BAG4: variants seen among roughly 807,000 people sequenced by gnomAD.
BAG4 encodes BAG cochaperone 4.
Under a neutral mutation model 52.1 loss-of-function variants are expected in BAG4, and 28 were observed. The ratio of observed to expected loss-of-function variants is 0.54; its 90% confidence interval spans 0.40 to 0.74. The LOEUF is 0.74. Among genes scored for constraint, BAG4 ranks in the 30% least tolerant of loss-of-function variants. The probability of loss-of-function intolerance (pLI) is 0.00; values close to 1 mark genes in which losing one functional copy is unlikely to be tolerated. For synonymous variants in BAG4, 208 were observed against 217.0 expected (o/e 0.96, Z 0.37); for missense variants, 525 against 572.0 (o/e 0.92, Z 0.84).
chr8:38,193,461 C>A (rs1401268768), intron 2 of BAG4, among the ~76,000 whole-genome samples: 2 of 152,094 alleles, frequency 1.3e-5, no homozygotes, highest in African/African-American at 4.8e-5. Flanking sequence ...ATCTAGCATG[C>A]AGATTTGTCA....
chr8:38,192,510 C>T (rs1274601581), intron 1 of BAG4, among the ~76,000 whole-genome samples, 178 bp from the exon 2 acceptor site: 17 of 151,890 alleles, frequency 1.1e-4, no homozygotes, highest in Admixed American at 9.9e-4. Context: ...TGAGCTCAAG[C>T]GATCCACCCA....
chr8:38,184,054 A>G (rs1199289203), intron 1 of BAG4, among the ~76,000 whole-genome samples: 1 of 152,196 alleles, frequency 6.6e-6, no homozygotes, highest in Non-Finnish European at 1.5e-5. Flanking sequence ...AGGTTATTGG[A>G]GTTATGAAAA....
chr8:38,181,566 G>A (rs934252050), intron 1 of BAG4, among the ~76,000 whole-genome samples: 1 of 151,396 alleles, frequency 6.6e-6, no homozygotes, highest in Non-Finnish European at 1.5e-5. Flanking sequence ...GTGAAACCCC[G>A]TCTCTACTAA....
At chr8:38,190,004 C>T (rs1320561553) in intron 1 of BAG4, among the ~76,000 whole-genome samples, 1 of 152,160 alleles carries the variant, frequency 6.6e-6, no homozygotes, top group African/African-American at 2.4e-5. Flanking sequence ...CTAGGATGGT[C>T]TCTATCTCCT....
At chr8:38,178,348 T>C (rs1054997733) in intron 1 of BAG4, among the ~76,000 whole-genome samples, 6 of 152,154 alleles carry the variant, frequency 3.9e-5, no homozygotes, top group Non-Finnish European at 8.8e-5. Flanking sequence ...ACAGACGGGG[T>C]TTCGCCATGT....
rs534078625 is a variant in BAG4 at position 38,210,050 on chromosome 8, C to A, written c.931C>A (p.Arg311=). The change falls in exon 5 of 5, where the codon CGG becomes AGG. Residue 311 remains arginine, a synonymous_variant. Transcript: ENST00000287322. ...TAGCCAATCAGATCAAAGCATGAAC[C>A]GGCACAACTTTCCTTGCAGTGTCCA... ...PYSQSDQSMN[R]HNFPCSVHQY... 1.2e-6 allele frequency: 2 copies of A among 1,614,120 alleles called. No individual in the cohort carries two copies.
intron 1 of BAG4, among the ~76,000 whole-genome samples, chr8:38,190,144 G>A (rs575308588): frequency 1.3e-5 from 2 of 152,172 alleles, no homozygotes; most frequent in African/African-American, 4.8e-5. Flanking sequence ...CTATCCCCCA[G>A]TTCTTCCTCA....
chr8:38,198,709 G>A (rs763788104), intron 2 of BAG4, among the ~76,000 whole-genome samples: 5 of 151,836 alleles, frequency 3.3e-5, no homozygotes, highest in Admixed American at 1.3e-4. Flanking sequence ...GGATGGTCTC[G>A]ATCTCCCAAC....
At chr8:38,189,233 C>T (rs1267817438) in intron 1 of BAG4, among the ~76,000 whole-genome samples, 1 of 152,108 alleles carries the variant, frequency 6.6e-6, no homozygotes, top group African/African-American at 2.4e-5. Context: ...ACGTAAGCCA[C>T]CATGCCAGGC....
chr8:38,178,568 T>C (rs981380588), intron 1 of BAG4, among the ~76,000 whole-genome samples: 1 of 152,242 alleles, frequency 6.6e-6, no homozygotes, highest in Non-Finnish European at 1.5e-5. Flanking sequence ...GACTGATGCA[T>C]CGATAAACAA....
intron 1 of BAG4, among the ~76,000 whole-genome samples, chr8:38,186,493 G>A: frequency 6.6e-6 from 1 of 152,194 alleles, no homozygotes; most frequent in Non-Finnish European, 1.5e-5. Context: ...AACTGCGGAG[G>A]TTGTTGTGCA....
At chr8:38,193,384 A>G (rs980629513) in intron 2 of BAG4, among the ~76,000 whole-genome samples, 1 of 151,630 alleles carries the variant, frequency 6.6e-6, no homozygotes, top group Non-Finnish European at 1.5e-5. Context: ...ACACCATTAC[A>G]CTCCAGCCTG....
intron 1 of BAG4, among the ~76,000 whole-genome samples, chr8:38,187,556 A>G (rs1803383567): frequency 6.6e-6 from 1 of 152,180 alleles, no homozygotes; most frequent in South Asian, 2.1e-4. Context: ...GACATTATAT[A>G]AAGTAATAAG....
chr8:38,188,645 ATG>A (rs1803412347), intron 1 of BAG4, among the ~76,000 whole-genome samples: 4 of 234 alleles, frequency 0.017, no homozygotes, highest in African/African-American at 0.03. Context: ...ACATATATAC[ATG>A]TATACATATA....
chr8:38,177,197 G>T, intron 1 of BAG4, 58 bp downstream of exon 1: 1 of 1,590,486 alleles, frequency 6.3e-7, no homozygotes, highest in Admixed American at 1.9e-5. Context: ...GCTGGGGTTC[G>T]TAAAGGATCG....
intron 2 of BAG4, among the ~76,000 whole-genome samples, chr8:38,194,237 C>A (rs578049561): frequency 7.9e-5 from 12 of 152,012 alleles, no homozygotes; most frequent in Non-Finnish European, 1.5e-4. Flanking sequence ...TATCCATAAA[C>A]TTTATATACT....
intron 1 of BAG4, among the ~76,000 whole-genome samples, chr8:38,185,470 T>A (rs1045750393): frequency 2.0e-5 from 3 of 152,218 alleles, no homozygotes; most frequent in African/African-American, 7.2e-5. Flanking sequence ...TCTGTGGACC[T>A]AGTCCCCAGT....
In BAG4 at chr8:38,207,513, G is replaced by T; in HGVS notation, c.380G>T (p.Ser127Ile). The T allele has an allele frequency of 6.2e-7, 1 of 1,605,246 alleles. No homozygotes were observed. ...YPVRPELQGQ[S>I]LNSYTNGAYG... The stretch of plus-strand genomic sequence containing the variant: ...TTCACTCAACTTGGTTTTTTTCAGA[G>T]TTTGAATTCTTATACAAATGGAGCG... Residue 127 changes from serine (S) to isoleucine (I), a missense_variant and splice_region_variant, in exon 3 of 5, where the codon AGT becomes ATT. Transcript: ENST00000287322.
At chr8:38,200,727 T>C (rs943731419) in intron 2 of BAG4, among the ~76,000 whole-genome samples, 2 of 151,976 alleles carry the variant, frequency 1.3e-5, no homozygotes, top group Non-Finnish European at 2.9e-5. Flanking sequence ...GCCTCTGGAG[T>C]AGCTGGGATT....
Sources: gnomAD v4.1 joint callset for allele counts (sites outside exome capture counted in the v4.1 genomes callset) on GRCh38, gnomAD v4.1.1 for gene constraint, MANE v1.5 for transcripts, NCBI Gene and HGNC (gene_info 2026-07-23, HGNC 2026-07-21) for gene names.